The following CLPB variants were observed in gnomAD, a reference collection of about 807,000 sequenced individuals.
The protein encoded by CLPB is ClpB family mitochondrial disaggregase.
Under a neutral mutation model 78.4 loss-of-function variants are expected in CLPB, and 40 were observed. The ratio of observed to expected loss-of-function variants is 0.51; its 90% CI spans 0.40 to 0.66. The LOEUF is 0.66. CLPB is among the 30% of genes least tolerant of loss of function. The probability of loss-of-function intolerance (pLI) is 0.00; values close to 1 mark genes in which losing one functional copy is unlikely to be tolerated. For synonymous variants in CLPB, 333 were observed against 348.0 expected (o/e 0.96, Z 0.48); for missense variants, 780 against 886.9 (o/e 0.88, Z 1.53).
chr11:72,309,100 G>C (rs73528892), intron 7 of CLPB, among the ~76,000 whole-genome samples: 14,978 of 152,204 alleles, frequency 0.098, 1,442 homozygotes, highest in African/African-American at 0.24. Flanking sequence ...CTGGTCCACT[G>C]TCTGGGTCAG....
intron 5 of CLPB, among the ~76,000 whole-genome samples, chr11:72,339,657 C>T (rs910707101): frequency 3.6e-4 from 55 of 152,026 alleles, no homozygotes; most frequent in Non-Finnish European, 5.9e-5. Context: ...TGTTTGGCAC[C>T]ATGGTAAGTG....
chr11:72,363,148 CCT>C (rs1411716731), intron 4 of CLPB, among the ~76,000 whole-genome samples: 1 of 150,278 alleles, frequency 6.7e-6, no homozygotes, highest in Non-Finnish European at 1.5e-5. Context: ...AGAGCCAGAC[CCT>C]GTCTCAAAAA....
intron 2 of CLPB, among the ~76,000 whole-genome samples, chr11:72,417,074 C>T (rs2135127283): frequency 6.6e-6 from 1 of 152,278 alleles, no homozygotes; most frequent in Non-Finnish European, 1.5e-5. Context: ...CCTAGGTATA[C>T]ACTGAAGAGA....
At chr11:72,294,539 G>A in intron 13 of CLPB, 81 bp downstream of exon 13, 2 of 1,608,830 alleles carry the variant, frequency 1.2e-6, no homozygotes, top group African/African-American at 1.3e-5. Flanking sequence ...AAATTATGGG[G>A]CTTCCAGATC....
intron 3 of CLPB, among the ~76,000 whole-genome samples, chr11:72,396,510 G>C (rs1266130581): frequency 6.6e-6 from 1 of 152,164 alleles, no homozygotes; most frequent in African/African-American, 2.4e-5. Flanking sequence ...CCCTGCATGA[G>C]AGTCCAGAGA....
At chr11:72,387,949 C>T (rs1467665707) in intron 3 of CLPB, among the ~76,000 whole-genome samples, 1 of 152,160 alleles carries the variant, frequency 6.6e-6, no homozygotes, top group Non-Finnish European at 1.5e-5. Context: ...CAGGCTGTCC[C>T]TCCAGGCAGC....
At chr11:72,427,846 A>C (rs908554567) in intron 2 of CLPB, among the ~76,000 whole-genome samples, 7 of 152,344 alleles carry the variant, frequency 4.6e-5, no homozygotes, top group Admixed American at 6.5e-5. Flanking sequence ...ATAAATGAGT[A>C]TGGGATTCTG....
rs138111742 is a variant in CLPB at position 72,289,356 on chromosome 11, C to T, written c.*4011G>A. 2 of 152,038 alleles carry T rather than the reference C, an allele frequency of 1.3e-5. No individual in the cohort carries two copies. Among genetic ancestry groups the T allele is most frequent in the Admixed American group, 6.6e-5 (1 of 15,262 alleles). The allele number at this position is 152,038 out of a possible 1,614,324, so 9.4% of individuals were successfully genotyped here. On this transcript the variant is annotated 3_prime_UTR_variant, in exon 16 of 16. Transcript: ENST00000538039. Reference sequence around the variant, plus strand: ...TTAACTGAACCAACGGACTGACAGCCGGGCATAAGACCTCTATCTAGTAGG... The same window carrying T: ...TTAACTGAACCAACGGACTGACAGCTGGGCATAAGACCTCTATCTAGTAGG...
intron 5 of CLPB, chr11:72,354,232 A>T (rs1000398706): frequency 1.2e-4 from 47 of 391,402 alleles, no homozygotes; most frequent in African/African-American, 9.7e-4. Context: ...TACAAAAAAA[A>T]ATTGACTAGT....
chr11:72,343,951 A>G (rs1950464805), intron 5 of CLPB, among the ~76,000 whole-genome samples: 1 of 152,172 alleles, frequency 6.6e-6, no homozygotes, highest in Non-Finnish European at 1.5e-5. Context: ...CCATTATGAC[A>G]CAGCTGAGCT....
intron 2 of CLPB, among the ~76,000 whole-genome samples, chr11:72,403,427 G>A (rs539388911): frequency 6.6e-5 from 10 of 152,200 alleles, no homozygotes; most frequent in South Asian, 2.1e-4. Context: ...GCTCTCTCCC[G>A]GCTCCTTTGC....
At chr11:72,302,582 C>A (rs920469466) in intron 9 of CLPB, 3 of 501,492 alleles carry the variant, frequency 6.0e-6, no homozygotes, top group Non-Finnish European at 1.1e-5. Context: ...ACCTGACCTT[C>A]TAAATCTGAC....
intron 2 of CLPB, among the ~76,000 whole-genome samples, chr11:72,428,272 A>T (rs1236653088): frequency 6.6e-6 from 1 of 152,140 alleles, no homozygotes; most frequent in Non-Finnish European, 1.5e-5. Context: ...CAGCCTCTTA[A>T]CAGATCGGCC....
chr11:72,314,545 A>G (rs1949905376), intron 7 of CLPB, among the ~76,000 whole-genome samples: 1 of 152,122 alleles, frequency 6.6e-6, no homozygotes, highest in African/African-American at 2.4e-5. Flanking sequence ...CTAGAGATGG[A>G]CAAGGGGCCA....
At chr11:72,421,401 C>T (rs894038043) in intron 2 of CLPB, among the ~76,000 whole-genome samples, 4 of 152,214 alleles carry the variant, frequency 2.6e-5, no homozygotes, top group African/African-American at 7.2e-5. Flanking sequence ...GGTGTCCCTC[C>T]ACTCATCAGA....
intron 4 of CLPB, among the ~76,000 whole-genome samples, chr11:72,377,687 G>C (rs1386459412): frequency 6.6e-6 from 1 of 151,080 alleles, no homozygotes; most frequent in East Asian, 1.9e-4. Context: ...GAAGGGAAGG[G>C]GAAGGGAAAG....
chr11:72,299,304 T>C (rs1949612912), intron 11 of CLPB, among the ~76,000 whole-genome samples: 1 of 152,262 alleles, frequency 6.6e-6, no homozygotes, highest in South Asian at 2.1e-4. Flanking sequence ...TTTACACAGC[T>C]GCCCACGGCA....
At chr11:72,352,038 T>C (rs1260165060) in intron 5 of CLPB, among the ~76,000 whole-genome samples, 1 of 152,172 alleles carries the variant, frequency 6.6e-6, no homozygotes, top group Non-Finnish European at 1.5e-5. Flanking sequence ...CCTCTCCCAG[T>C]CACTACCCAC....
chr11:72,327,237 C>T (rs1374353231), intron 6 of CLPB, among the ~76,000 whole-genome samples: 7 of 152,202 alleles, frequency 4.6e-5, no homozygotes, highest in Non-Finnish European at 7.3e-5. Flanking sequence ...TGGAATAAAT[C>T]TCACTCCCTC....
Sources: allele counts gnomAD v4.1 joint callset (sites outside exome capture counted in the v4.1 genomes callset), GRCh38; gene constraint gnomAD v4.1.1; transcripts MANE v1.5; gene names NCBI Gene and HGNC (gene_info 2026-07-23, HGNC 2026-07-21).